The following SYT16 variants were observed in gnomAD, a reference collection of about 807,000 sequenced individuals.
SYT16 encodes the protein synaptotagmin 16.
A neutral mutation model predicts 61.4 loss-of-function variants in SYT16; 42 were observed. The observed-to-expected ratio is 0.68, with a 90% CI of 0.53 to 0.89. SYT16 has a LOEUF of 0.89. Among genes scored for constraint, SYT16 ranks in the 40% least tolerant of loss-of-function variants. SYT16 has a pLI of 0.00. For synonymous variants in SYT16, 314 were observed against 302.3 expected, an observed-to-expected ratio of 1.04 and a Z score of -0.40; for missense variants, 804 against 807.3, an observed-to-expected ratio of 1.00 and a Z score of 0.05.
intron 1 of SYT16, among the ~76,000 whole-genome samples, chr14:61,875,606 A>G (rs2047461366): frequency 1.3e-5 from 2 of 152,232 alleles, no homozygotes; most frequent in African/African-American, 4.8e-5. Flanking sequence ...AGATTCTGGG[A>G]GGGCTGGAGA....
At chr14:61,926,585 G>A (rs968290324) in intron 1 of SYT16, among the ~76,000 whole-genome samples, 1 of 152,176 alleles carries the variant, frequency 6.6e-6, no homozygotes, top group Admixed American at 6.5e-5. Context: ...TCTTTAAAGA[G>A]CTATAATGTG....
chr14:61,848,990 A>C (rs1444163367), intron 1 of SYT16, among the ~76,000 whole-genome samples: 1 of 152,052 alleles, frequency 6.6e-6, no homozygotes, highest in Non-Finnish European at 1.5e-5. Context: ...GTTGCTACAA[A>C]TTTTTCAGGG....
At chr14:61,929,414 G>A (rs2049672111) in intron 1 of SYT16, among the ~76,000 whole-genome samples, 2 of 152,214 alleles carry the variant, frequency 1.3e-5, no homozygotes, top group African/African-American at 2.4e-5. Context: ...TACAAGTCAG[G>A]TGAAGAGGAG....
At chr14:61,863,616 A>G (rs1024793933) in intron 1 of SYT16, among the ~76,000 whole-genome samples, 1 of 152,256 alleles carries the variant, frequency 6.6e-6, no homozygotes, top group Non-Finnish European at 1.5e-5. Flanking sequence ...TTTAATTTTA[A>G]TAAAGTCCAA....
chr14:61,935,237 C>T (rs1418735193), intron 1 of SYT16, among the ~76,000 whole-genome samples: 1 of 152,212 alleles, frequency 6.6e-6, no homozygotes, highest in Non-Finnish European at 1.5e-5. Flanking sequence ...AATAGGGGAA[C>T]TCAAGGCCCT....
At position 62,069,599 on chromosome 14, in the gene SYT16, C is replaced by G. The variant is rs1387192208; in HGVS notation, c.524-4C>G. 1 of 1,613,420 alleles carries G rather than the reference C, an allele frequency of 6.2e-7. No homozygotes were observed. Among genetic ancestry groups the G allele is most frequent in the African/African-American group, 1.3e-5 (1 of 74,890 alleles). ...GGAGACTCATGGCTCTTGTTTACTC[C>G]CAGTCAACAGCTTTGGGGATGACGA... On this transcript the variant is annotated splice_region_variant and splice_polypyrimidine_tract_variant and intron_variant, in intron 3 of 7. Coordinates refer to ENST00000683842, the MANE Select transcript of SYT16 (RefSeq NM_001367656.1).
chr14:61,928,510 G>A (rs1352007750), intron 1 of SYT16, among the ~76,000 whole-genome samples: 1 of 152,174 alleles, frequency 6.6e-6, no homozygotes, highest in East Asian at 1.9e-4. Context: ...CAGAGAGGGT[G>A]TGTAGAAGGA....
At chr14:62,013,140 G>A (rs888434470) in intron 3 of SYT16, among the ~76,000 whole-genome samples, 2 of 152,174 alleles carry the variant, frequency 1.3e-5, no homozygotes, top group African/African-American at 4.8e-5. Flanking sequence ...GAAATGTTAT[G>A]AGGTATATCC....
chr14:61,875,331 G>T (rs1171032279), intron 1 of SYT16, among the ~76,000 whole-genome samples: 2 of 152,124 alleles, frequency 1.3e-5, no homozygotes, highest in African/African-American at 4.8e-5. Flanking sequence ...TTCCTAGTTG[G>T]AAGTGAGGAA....
At chr14:62,059,398 A>G (rs2055714302) in intron 3 of SYT16, among the ~76,000 whole-genome samples, 1 of 152,008 alleles carries the variant, frequency 6.6e-6, no homozygotes, top group African/African-American at 2.4e-5. Context: ...TGGTTGTGTT[A>G]TTTATGAGTT....
intron 7 of SYT16, 94 bp downstream of exon 7, chr14:62,084,479 A>G (rs981688257): frequency 7.3e-7 from 1 of 1,376,196 alleles, no homozygotes; most frequent in Non-Finnish European, 9.7e-7. Flanking sequence ...TTTTACCATA[A>G]AAATGATCTT....
chr14:61,980,497 C>G (rs2052023001), intron 2 of SYT16, among the ~76,000 whole-genome samples: 1 of 152,102 alleles, frequency 6.6e-6, no homozygotes, highest in African/African-American at 2.4e-5. Context: ...AATATATAGG[C>G]TTATAATAAT....
chr14:61,815,398 A>G (rs1170137030), intron 1 of SYT16, among the ~76,000 whole-genome samples: 1 of 151,956 alleles, frequency 6.6e-6, no homozygotes, highest in Non-Finnish European at 1.5e-5. Context: ...CTCAACCCCC[A>G]TTTTTCTCCC....
At chr14:62,050,209 C>T (rs906555488) in intron 3 of SYT16, among the ~76,000 whole-genome samples, 2 of 152,170 alleles carry the variant, frequency 1.3e-5, no homozygotes, top group African/African-American at 4.8e-5. Flanking sequence ...CTTCTCGCTT[C>T]ATTTCGTTCA....
At chr14:61,929,988 C>T (rs2049700142) in intron 1 of SYT16, among the ~76,000 whole-genome samples, 1 of 152,136 alleles carries the variant, frequency 6.6e-6, no homozygotes. Context: ...ACATAAGGCA[C>T]TTTTCCCTAT....
intron 3 of SYT16, among the ~76,000 whole-genome samples, chr14:62,055,473 A>T (rs2055510004): frequency 6.6e-6 from 1 of 152,190 alleles, no homozygotes; most frequent in South Asian, 2.1e-4. Context: ...CTGACTACAG[A>T]TATGAATCTG....
chr14:61,924,015 A>C (rs193020971), intron 1 of SYT16, among the ~76,000 whole-genome samples: 1 of 152,322 alleles, frequency 6.6e-6, no homozygotes, highest in East Asian at 1.9e-4. Context: ...AGTGCTATAC[A>C]TGAAAGATTA....
chr14:62,043,854 G>T (rs111764806), intron 3 of SYT16, among the ~76,000 whole-genome samples: 2 of 151,814 alleles, frequency 1.3e-5, no homozygotes, highest in African/African-American at 4.8e-5. Context: ...AACTGTTTTT[G>T]TAGAGACAGA....
chr14:61,846,887 A>C (rs997499467), intron 1 of SYT16, among the ~76,000 whole-genome samples: 6 of 152,128 alleles, frequency 3.9e-5, no homozygotes, highest in South Asian at 2.1e-4. Context: ...CCATTATTTT[A>C]AGCAGAAAAC....
Sources: gnomAD v4.1 joint callset for allele counts (sites outside exome capture counted in the v4.1 genomes callset) on GRCh38, gnomAD v4.1.1 for gene constraint, MANE v1.5 for transcripts, NCBI Gene and HGNC (gene_info 2026-07-23, HGNC 2026-07-21) for gene names.